The following SMAD7 variants were observed in gnomAD, a reference collection of about 807,000 sequenced individuals.
SMAD7 encodes the protein MAD (mothers against decapentaplegic, Drosophila) homolog 7.
SMAD7 carries 8 observed loss-of-function variants against 38.7 expected under a neutral mutation model. That is an observed-to-expected ratio of 0.21 (90% CI 0.12 to 0.37). The LOEUF is 0.37. Ranked by LOEUF, SMAD7 falls within the 10% of genes least tolerant of loss-of-function variation. SMAD7 has a pLI of 1.00. For missense variants in SMAD7, 477 were observed against 577.9 expected, an observed-to-expected ratio of 0.83 and a Z score of 1.79; for synonymous variants, 327 against 265.1, an observed-to-expected ratio of 1.23 and a Z score of -2.27.
rs184448128 is a variant in SMAD7, at chr18:48,924,873, C to G, written c.743-2963G>C. 5.3e-5 allele frequency among the ~76,000 whole-genome samples: 8 copies of G among 152,372 alleles called. No homozygotes were observed. The East Asian group carries it at 1.5e-3, about 29-fold the overall frequency. Reference sequence around the variant, plus strand: ...AACACACACCCTTGTGTGGACATCACACCTTCTGGGGACCCCGCACGACAT... The same window carrying G: ...AACACACACCCTTGTGTGGACATCAGACCTTCTGGGGACCCCGCACGACAT... On this transcript the variant is annotated intron_variant, in intron 3 of 3. Transcript: ENST00000262158.
At chr18:48,942,775 T>A (rs2070156995) in intron 2 of SMAD7, 1 of 1,402,340 alleles carries the variant, frequency 7.1e-7, no homozygotes, top group Admixed American at 3.3e-5. Flanking sequence ...GGGCAGCCAG[T>A]TAATCATTAC....
chr18:48,942,158 C>T (rs1462440911), intron 3 of SMAD7, among the ~76,000 whole-genome samples: 1 of 152,162 alleles, frequency 6.6e-6, no homozygotes, highest in Admixed American at 6.5e-5. Context: ...GAGTTAATGA[C>T]ACCAAAGTCA....
chr18:48,930,193 A>G (rs1212934622), intron 3 of SMAD7: 1 of 152,564 alleles, frequency 6.6e-6, no homozygotes, highest in African/African-American at 2.4e-5. Context: ...AGAGGGAAAA[A>G]CAACAGTACG....
At chr18:48,945,453 T>C (rs2070184932) in intron 2 of SMAD7, among the ~76,000 whole-genome samples, 1 of 151,398 alleles carries the variant, frequency 6.6e-6, no homozygotes, top group South Asian at 2.1e-4. Flanking sequence ...AGAATGAGAC[T>C]GTCTCGGAAA....
intron 3 of SMAD7, among the ~76,000 whole-genome samples, chr18:48,922,895 C>T (rs1024121455): frequency 6.6e-6 from 1 of 152,106 alleles, no homozygotes; most frequent in Non-Finnish European, 1.5e-5. Context: ...GCCTGGGGGC[C>T]GGGGTGATTC....
chr18:48,949,179 G>A (rs1353917593), intron 1 of SMAD7: 2 of 531,344 alleles, frequency 3.8e-6, no homozygotes, highest in Non-Finnish European at 4.8e-6. Flanking sequence ...TCTCCTGCCT[G>A]TTTGTTCCTC....
At position 48,950,525 on chromosome 18, in the gene SMAD7, C is replaced by A; in HGVS notation, c.-101G>T. On this transcript the variant is annotated 5_prime_UTR_variant, in exon 1 of 4. Transcript: ENST00000262158. ...TCGGGCGCCGAGTTGGGGCAGCAGG[C>A]GCAGGCGACAGCAGCAGCAGCAGGG... 8.3e-7 allele frequency: 1 copy of A among 1,210,126 alleles called. No homozygotes were observed. 75.0% of individuals were successfully genotyped at this position (1,210,126 alleles called of 1,614,324 possible).
At position 48,950,293 on chromosome 18, in the gene SMAD7, G is replaced by A; in HGVS notation, c.132C>T (p.Asp44=). The change falls in exon 1 of 4, where the codon GAC becomes GAT. Residue 44 remains aspartate (D), a synonymous_variant. Coordinates refer to ENST00000262158, the MANE Select transcript of SMAD7 (RefSeq NM_005904.4). The part of the protein sequence containing the change: ...GGELRGEGAT[D]SRAHGAGGGG... ...CGCCACCGGCCCCATGCGCTCGGCT[G>A]TCCGTCGCCCCTTCTCCCCGCAGCT... is the stretch of plus-strand genomic sequence containing the variant. 1 of 1,531,008 alleles carries A rather than the reference G, an allele frequency of 6.5e-7. No individual in the cohort carries two copies. Among genetic ancestry groups the A allele is most frequent in the East Asian group, 2.6e-5 (1 of 38,722 alleles). 94.8% of individuals were successfully genotyped at this position (1,531,008 alleles called of 1,614,324 possible).
chr18:48,926,029 A>G (rs2069924049), intron 3 of SMAD7, among the ~76,000 whole-genome samples: 1 of 152,220 alleles, frequency 6.6e-6, no homozygotes, highest in Admixed American at 6.5e-5. Flanking sequence ...TATAGGCGTG[A>G]GCCGCCGCAC....
chr18:48,949,357 C>T (rs2070233746), intron 1 of SMAD7: 1 of 792,690 alleles, frequency 1.3e-6, no homozygotes, highest in Non-Finnish European at 1.5e-6. Flanking sequence ...CGGAGACCTT[C>T]CAGCCTTTAT....
chr18:48,925,934 G>A (rs540143331), intron 3 of SMAD7, among the ~76,000 whole-genome samples: 2 of 152,262 alleles, frequency 1.3e-5, no homozygotes, highest in Admixed American at 6.5e-5. Context: ...TTTTAGTAGA[G>A]ACAGGGTTTC....
intron 3 of SMAD7, chr18:48,933,489 C>T (rs1034080921): frequency 6.6e-6 from 1 of 152,380 alleles, no homozygotes; most frequent in Non-Finnish European, 1.5e-5. Flanking sequence ...GGTGTCAATA[C>T]ATATTTGCTC....
At position 48,947,231 on chromosome 18, in the gene SMAD7, A is replaced by C. The variant is rs931214809; in HGVS notation, c.667+1153T>G. Among the ~76,000 whole-genome samples, 9 of 152,220 alleles carry C rather than the reference A, an allele frequency of 5.9e-5. 1 individual carries two copies. The highest frequency in any genetic ancestry group is 2.2e-4 in the African/African-American group (9 of 41,448). ...GCCACTTATTAGACCGGCACCAGGC[A>C]AGCAGGAACGCCTTCCCAACTTGAG... On this transcript the variant is annotated intron_variant, in intron 2 of 3. Coordinates refer to ENST00000262158, the MANE Select transcript of SMAD7 (RefSeq NM_005904.4).
Position 48,920,681 on chromosome 18 carries a change from G to C in SMAD7, c.*691C>G, listed in dbSNP as rs990427230. The C allele has an allele frequency of 6.6e-6, 1 of 152,516 alleles. No homozygotes were observed. The highest frequency in any genetic ancestry group is 2.4e-5 in the African/African-American group (1 of 41,474). The allele number at this position is 152,516 out of a possible 1,614,324, so 9.4% of individuals were successfully genotyped here. A position where few individuals can be genotyped will look rare whatever the true frequency, so the allele number is the denominator to read the frequency against. On this transcript the variant is annotated 3_prime_UTR_variant, in exon 4 of 4. Transcript: ENST00000262158. ...CTACAATGGCAGGGGCTGGCAGGAAGGGAATAAGACAAGGATGAAAATAAT... is the reference window on the plus strand; with the variant it reads ...CTACAATGGCAGGGGCTGGCAGGAACGGAATAAGACAAGGATGAAAATAAT...
chr18:48,944,926 G>A (rs1021782473), intron 2 of SMAD7, among the ~76,000 whole-genome samples: 8 of 152,094 alleles, frequency 5.3e-5, no homozygotes, highest in South Asian at 4.1e-4. Flanking sequence ...TCCTTTCTCC[G>A]AGCAGCTCCA....
chr18:48,921,988 C>A lies in SMAD7; in HGVS notation c.743-78G>T. 7 of 1,118,772 alleles carry A rather than the reference C, an allele frequency of 6.3e-6. No individual in the cohort carries two copies. Among genetic ancestry groups the A allele is most frequent in the Non-Finnish European group, 8.9e-6 (7 of 788,886 alleles). The allele number at this position is 1,118,772 out of a possible 1,614,324, so 69.3% of individuals were successfully genotyped here. A position where few individuals can be genotyped will look rare whatever the true frequency, so the allele number is the denominator to read the frequency against. On this transcript the variant is annotated intron_variant, in intron 3 of 3. Coordinates refer to ENST00000262158, the MANE Select transcript of SMAD7 (RefSeq NM_005904.4). This position sits in a 1 kb window ranked among gnomAD's most constrained non-coding sequence, Gnocchi z 6.4. ...TAGAATGAAGACACCCGCCCCCCCACTGCACCCAGTCACCAGCTCATCTCT... is the reference window on the plus strand; with the variant it reads ...TAGAATGAAGACACCCGCCCCCCCAATGCACCCAGTCACCAGCTCATCTCT...
chr18:48,949,261 C>G, intron 1 of SMAD7: 1 of 984,774 alleles, frequency 1.0e-6, no homozygotes. Flanking sequence ...TCTCTTTGCC[C>G]CAAAACTCCA....
chr18:48,944,618 T>A lies in SMAD7; in HGVS notation c.668-2063A>T, dbSNP rs188453311. On this transcript the variant is annotated intron_variant, in intron 2 of 3. Transcript: ENST00000262158. The stretch of plus-strand genomic sequence containing the variant: ...GGCTATTCCCAAGAGTCCAGCCCTA[T>A]CCCATGGCTCTCACTCCCCAGGCAG... Among the ~76,000 whole-genome samples, 447 of 152,260 alleles carry A rather than the reference T, an allele frequency of 2.9e-3. 3 individuals are homozygous for A. The highest frequency in any genetic ancestry group is 4.8e-3 in the Non-Finnish European group (325 of 68,010).
rs548117594 is a variant in SMAD7 at position 48,944,559 on chromosome 18, C to CA, written c.668-2005dup. Among the ~76,000 whole-genome samples the CA allele has an allele frequency of 9.8e-4, 149 of 152,358 alleles. 2 individuals carry two copies. The highest frequency in any genetic ancestry group is 3.4e-3 in the Middle Eastern group (1 of 294). On this transcript the variant is annotated intron_variant, in intron 2 of 3. Coordinates refer to ENST00000262158, the MANE Select transcript of SMAD7 (RefSeq NM_005904.4). ...TAGGCAGCCAGGTAAACTGAGGCGTCACTGACTAGCTCAAAGGGCCACCCA... is the reference window on the plus strand; with the variant it reads ...TAGGCAGCCAGGTAAACTGAGGCGTCAACTGACTAGCTCAAAGGGCCACCCA...
Sources: allele counts gnomAD v4.1 joint callset (sites outside exome capture counted in the v4.1 genomes callset), GRCh38; gene constraint gnomAD v4.1.1; non-coding constraint Gnocchi (gnomAD v3.1); transcripts MANE v1.5; gene names NCBI Gene and HGNC (gene_info 2026-07-23, HGNC 2026-07-21).